Variants in ANKRD30B observed in about 807,000 individuals in gnomAD.
ANKRD30B encodes ankyrin repeat domain 30B, also known as ankyrin repeat domain-containing protein 30B.
A neutral mutation model predicts 202.2 loss-of-function variants in ANKRD30B; 144 were observed. The ratio of observed to expected loss-of-function variants is 0.71; its 90% CI spans 0.62 to 0.82. ANKRD30B has a LOEUF of 0.82. ANKRD30B is among the 40% of genes least tolerant of loss of function. The pLI is 0.00. For synonymous variants in ANKRD30B, 508 were observed against 561.3 expected (o/e 0.91, Z 1.34); for missense variants, 1,487 against 1,669.1 (o/e 0.89, Z 1.90).
At chr18:14,797,160 TG>T (rs1412085547) in intron 18 of ANKRD30B, among the ~76,000 whole-genome samples, 8 of 152,122 alleles carry the variant, frequency 5.3e-5, no homozygotes, top group Non-Finnish European at 1.2e-4. Flanking sequence ...AGAAGAGCCG[TG>T]GCAAGATGAG....
At chr18:14,766,115 G>T (rs1429598511) in intron 7 of ANKRD30B, among the ~76,000 whole-genome samples, 1 of 152,086 alleles carries the variant, frequency 6.6e-6, no homozygotes, top group East Asian at 1.9e-4. Context: ...AGGGGACAGA[G>T]AAAATCTCAG....
At chr18:14,866,937 T>A in the ANKRD30B span, among the ~76,000 whole-genome samples, 1 of 144,178 alleles carries the variant, frequency 6.9e-6, no homozygotes, top group Non-Finnish European at 1.5e-5. Context: ...TTAGCTACCA[T>A]GAGCTACAAT....
chr18:14,906,466 C>T, the ANKRD30B span, among the ~76,000 whole-genome samples: 1 of 152,114 alleles, frequency 6.6e-6, no homozygotes, highest in Non-Finnish European at 1.5e-5. Flanking sequence ...ATGAAAAGTA[C>T]ACAGCAAGGC....
the ANKRD30B span, chr18:14,883,391 CTCTCTCTCTATA>C: frequency 3.4e-4 from 32 of 93,760 alleles, no homozygotes; most frequent in African/African-American, 1.5e-3. Flanking sequence ...CTCTCTCTCT[CTCTCTCTCTATA>C]TATATATATA....
the ANKRD30B span, among the ~76,000 whole-genome samples, chr18:14,911,411 C>A: frequency 3.9e-5 from 6 of 152,008 alleles, no homozygotes; most frequent in African/African-American, 1.4e-4. Context: ...GTATTTTTGA[C>A]TTTGTCAAAG....
intron 22 of ANKRD30B, among the ~76,000 whole-genome samples, chr18:14,799,762 T>TGA (rs1568026733): frequency 6.6e-6 from 1 of 151,716 alleles, no homozygotes; most frequent in Admixed American, 6.6e-5. Flanking sequence ...TGTGTGTGTG[T>TGA]GACATATAAT....
At chr18:14,790,838 G>T (rs548500127) in intron 15 of ANKRD30B, among the ~76,000 whole-genome samples, 2,193 of 152,056 alleles carry the variant, frequency 0.014, 58 homozygotes, top group African/African-American at 0.051. Flanking sequence ...CAGGGATATT[G>T]GTCTAAAATT....
intron 15 of ANKRD30B, 111 bp from the exon 16 acceptor site, chr18:14,791,290 T>C: frequency 1.1e-6 from 1 of 876,460 alleles, no homozygotes. Context: ...GTCGAATTGT[T>C]TGCAAACTAG....
chr18:14,850,972 G>A (rs1971858324), intron 41 of ANKRD30B, among the ~76,000 whole-genome samples: 1 of 151,856 alleles, frequency 6.6e-6, no homozygotes, highest in Non-Finnish European at 1.5e-5. Context: ...TTGTTACAAT[G>A]TCTCAACTTA....
the ANKRD30B span, among the ~76,000 whole-genome samples, chr18:14,910,326 C>T: frequency 1.4e-4 from 21 of 152,168 alleles, no homozygotes; most frequent in South Asian, 6.2e-4. Flanking sequence ...TACATGAGAA[C>T]ATGTGGCATT....
chr18:14,936,480 A>C, the ANKRD30B span, among the ~76,000 whole-genome samples: 2 of 152,134 alleles, frequency 1.3e-5, no homozygotes, highest in Non-Finnish European at 2.9e-5. Context: ...TGCTGGGGAT[A>C]GGGTGGAGAA....
At chr18:14,796,511 A>C in intron 18 of ANKRD30B, 96 bp downstream of exon 18, 1 of 1,392,616 alleles carries the variant, frequency 7.2e-7, no homozygotes, top group Non-Finnish European at 9.6e-7. Context: ...TTTCTTTTGA[A>C]AATTTGGTGG....
At position 14,755,440 on chromosome 18, in the gene ANKRD30B, G is replaced by A. The variant is rs1317460665; in HGVS notation, c.617+435G>A. ...TACTTTTAAGTTTTAGGGTACATGT[G>A]CACATTGTGCAGGTTTGTTACATAT... On this transcript the variant is annotated intron_variant, in intron 4 of 43. Transcript: ENST00000690538. Among the ~76,000 whole-genome samples, 4 of 151,650 alleles carry A rather than the reference G, an allele frequency of 2.6e-5. No homozygotes were observed. The South Asian group carries it at 8.4e-4, about 32-fold the overall frequency.
chr18:14,882,235 A>G, the ANKRD30B span, among the ~76,000 whole-genome samples: 1 of 152,064 alleles, frequency 6.6e-6, no homozygotes, highest in African/African-American at 2.4e-5. Flanking sequence ...AGACTTTTTG[A>G]CATCAGTGTT....
At chr18:14,757,169 T>G (rs1914500369) in intron 4 of ANKRD30B, among the ~76,000 whole-genome samples, 1 of 152,188 alleles carries the variant, frequency 6.6e-6, no homozygotes, top group Non-Finnish European at 1.5e-5. Flanking sequence ...AAGCCATAGG[T>G]GAATGATAAA....
At chr18:14,826,930 T>C (rs1472517003) in intron 32 of ANKRD30B, among the ~76,000 whole-genome samples, 1 of 152,158 alleles carries the variant, frequency 6.6e-6, no homozygotes, top group Non-Finnish European at 1.5e-5. Context: ...AACAATATAT[T>C]GTAATCTCAA....
At chr18:14,828,786 G>A (rs1202474958) in intron 33 of ANKRD30B, among the ~76,000 whole-genome samples, 2 of 152,202 alleles carry the variant, frequency 1.3e-5, no homozygotes, top group African/African-American at 2.4e-5. Flanking sequence ...GTGGTAACCA[G>A]TACCTTGTTT....
chr18:14,844,247 CATTT>C (rs1230013439), intron 39 of ANKRD30B, among the ~76,000 whole-genome samples: 3 of 152,164 alleles, frequency 2.0e-5, no homozygotes, highest in Non-Finnish European at 4.4e-5. Context: ...TATCAGTCTT[CATTT>C]AAGTTGGTTT....
the ANKRD30B span, among the ~76,000 whole-genome samples, chr18:14,926,400 C>A: frequency 6.6e-6 from 1 of 152,174 alleles, no homozygotes; most frequent in East Asian, 1.9e-4. Flanking sequence ...CTCTGCTCAG[C>A]TGGCTCCTGC....
Sources: allele counts gnomAD v4.1 joint callset (sites outside exome capture counted in the v4.1 genomes callset), GRCh38; gene constraint gnomAD v4.1.1; transcripts MANE v1.5; gene names NCBI Gene and HGNC (gene_info 2026-07-23, HGNC 2026-07-21).